Variants in AGBL1 observed in about 807,000 individuals in gnomAD.
AGBL1 encodes the protein cytosolic carboxypeptidase 4.
In AGBL1, 130 loss-of-function variants were observed where a neutral mutation model predicts 118.9. The ratio of observed to expected loss-of-function variants is 1.09; its 90% confidence interval spans 0.95 to 1.26. The LOEUF is 1.26. AGBL1 is among the 50% of genes most tolerant of loss of function. AGBL1 has a pLI of 0.00. For synonymous variants in AGBL1, 555 were observed against 478.9 expected, an observed-to-expected ratio of 1.16 and a Z score of -2.08; for missense variants, 1,584 against 1,298.1, an observed-to-expected ratio of 1.22 and a Z score of -3.38.
chr15:86,154,386 A>C (rs747649160), intron 3 of AGBL1, 44 bp from the exon 4 acceptor site: 1 of 1,596,462 alleles, frequency 6.3e-7, no homozygotes, highest in Middle Eastern at 1.7e-4. Flanking sequence ...ACAATCCAGA[A>C]TCAATGTGAA....
At position 86,262,641 on chromosome 15, in the gene AGBL1, T is replaced by C. The variant is rs75372739; in HGVS notation, c.970-137T>C. On this transcript the variant is annotated intron_variant, in intron 9 of 22. Coordinates refer to ENST00000614907, the MANE Select transcript of AGBL1 (RefSeq NM_001386094.1). Reference sequence around the variant, plus strand: ...CAATCCAGCATAACAAATTCTTCACTGGATGGGCCAGTGCTATAATTTGGA... The same window carrying C: ...CAATCCAGCATAACAAATTCTTCACCGGATGGGCCAGTGCTATAATTTGGA... 7.1e-3 allele frequency: 4,982 copies of C among 705,576 alleles called. 121 individuals are homozygous for C. Among genetic ancestry groups the C allele is most frequent in the African/African-American group, 0.062 (3,566 of 57,218 alleles). 43.7% of individuals were successfully genotyped at this position (705,576 alleles called of 1,614,324 possible).
intron 22 of AGBL1, among the ~76,000 whole-genome samples, chr15:86,904,123 A>G (rs2080248840): frequency 6.6e-6 from 1 of 152,110 alleles, no homozygotes; most frequent in African/African-American, 2.4e-5. Flanking sequence ...CCCCTTCCTC[A>G]TCGTGTGGCT....
At chr15:86,270,176 G>T in intron 14 of AGBL1, 109 bp downstream of exon 14, 1 of 1,426,048 alleles carries the variant, frequency 7.0e-7, no homozygotes, top group Admixed American at 2.4e-5. Flanking sequence ...TTGAAGTTGG[G>T]CAGAGTTTTG....
At chr15:86,499,518 A>G (rs8025281) in intron 18 of AGBL1, among the ~76,000 whole-genome samples, 87,333 of 151,672 alleles carry the variant, frequency 0.58, 25,718 homozygotes, top group East Asian at 0.77. Flanking sequence ...AAGGATTACC[A>G]CAAAGAGGTT....
rs540134643 is a variant in AGBL1 at position 86,134,834 on chromosome 15, C to T, written c.52-7170C>T. Among the ~76,000 whole-genome samples, 369 of 151,550 alleles carry T rather than the reference C, an allele frequency of 2.4e-3. 1 individual carries two copies. The highest frequency in any genetic ancestry group is 0.014 in the Middle Eastern group (4 of 292). ...TTCACCATGTTGGCCAGGATGGTCT[C>T]GATCTCCTGACCTCATGATCTGCCT... On this transcript the variant is annotated intron_variant, in intron 1 of 22. Transcript: ENST00000614907.
chr15:86,112,395 TTAACAC>T (rs1305556216), intron 1 of AGBL1, among the ~76,000 whole-genome samples: 4 of 152,352 alleles, frequency 2.6e-5, no homozygotes, highest in Non-Finnish European at 4.4e-5. Context: ...TTTTGTGTAT[TTAACAC>T]TATAACATGA....
intron 11 of AGBL1, among the ~76,000 whole-genome samples, chr15:86,265,451 T>C (rs904233010): frequency 1.3e-5 from 2 of 152,142 alleles, no homozygotes; most frequent in African/African-American, 4.8e-5. Context: ...CATATTGAGA[T>C]TAAAATGAAA....
intron 22 of AGBL1, among the ~76,000 whole-genome samples, chr15:86,711,883 C>T (rs1314369835): frequency 2.6e-5 from 4 of 152,140 alleles, no homozygotes; most frequent in Admixed American, 6.5e-5. Context: ...ATAGTATCAC[C>T]ATCATCAGAG....
Position 86,624,430 on chromosome 15 carries a change from A to G in AGBL1, c.2995-49843A>G, listed in dbSNP as rs554862890. ...AGTATACAGTGCCATGGTTTGAGTA[A>G]GGGCTCTGTGGAATGGAAGACATAT... On this transcript the variant is annotated intron_variant, in intron 21 of 22. Coordinates refer to ENST00000614907, the MANE Select transcript of AGBL1 (RefSeq NM_001386094.1). Among the ~76,000 whole-genome samples the G allele has an allele frequency of 1.1e-3, 161 of 152,350 alleles. 1 individual carries two copies. Among genetic ancestry groups the G allele is most frequent in the Middle Eastern group, 6.8e-3 (2 of 294 alleles).
chr15:86,097,331 C>G (rs1208941022), intron 1 of AGBL1, among the ~76,000 whole-genome samples: 1 of 152,142 alleles, frequency 6.6e-6, no homozygotes, highest in Non-Finnish European at 1.5e-5. Context: ...TTCAGGTTCT[C>G]TCTTCTAGCT....
At chr15:86,610,868 C>G (rs1445443447) in intron 21 of AGBL1, among the ~76,000 whole-genome samples, 1 of 152,120 alleles carries the variant, frequency 6.6e-6, no homozygotes, top group East Asian at 1.9e-4. Context: ...TTCACACTGT[C>G]CTGTGCTCTG....
intron 21 of AGBL1, among the ~76,000 whole-genome samples, chr15:86,607,041 T>G (rs1213341201): frequency 3.9e-5 from 6 of 151,970 alleles, no homozygotes. Context: ...ATTTCCAGAA[T>G]GTCATATAGT....
At position 86,796,136 on chromosome 15, in the gene AGBL1, T is replaced by C. The variant is rs563484689; in HGVS notation, c.3159-110951T>C. 4.6e-5 allele frequency among the ~76,000 whole-genome samples: 7 copies of C among 152,266 alleles called. No individual in the cohort carries two copies. In the South Asian group the frequency reaches 1.4e-3, roughly 32 times the overall value. On this transcript the variant is annotated intron_variant, in intron 22 of 22. Transcript: ENST00000614907. ...CTTGGGCCCAGATGAATGAATGCTT[T>C]TCTCAAGGTCACATAAAAAATTAAC...
Position 86,264,578 on chromosome 15 carries a change from C to A in AGBL1, c.1407C>A (p.Asp469Glu), listed in dbSNP as rs755745838. ...CTTCCCCGAAAGCAGATGCCTGGGA[C>A]GTAGATGCAATTTTCTGCCCAAGGA... The part of the protein sequence containing the change: ...IQASPKADAW[D>E]VDAIFCPRMS... The change falls in exon 11 of 23, where the codon GAC (aspartate) becomes GAA (glutamate). Residue 469 changes from aspartate (D) to glutamate (E), a missense_variant. Asp to Glu is a conservative substitution (Grantham distance 45, BLOSUM62 2). Coordinates refer to ENST00000614907, the MANE Select transcript of AGBL1 (RefSeq NM_001386094.1). 1.2e-6 allele frequency: 2 copies of A among 1,613,926 alleles called. No individual in the cohort carries two copies. The highest frequency in any genetic ancestry group is 1.7e-6 in the Non-Finnish European group (2 of 1,179,848).
chr15:87,018,782 T>C (rs1318780108), intron 24 of AGBL1, among the ~76,000 whole-genome samples: 1 of 152,016 alleles, frequency 6.6e-6, no homozygotes, highest in Admixed American at 6.6e-5. Context: ...ATACAAAGCT[T>C]AAATGTTAAT....
At chr15:86,340,615 T>C (rs574576259) in intron 17 of AGBL1, among the ~76,000 whole-genome samples, 14 of 152,150 alleles carry the variant, frequency 9.2e-5, no homozygotes, top group Non-Finnish European at 2.1e-4. Flanking sequence ...AGCACGTTGA[T>C]TTTGATTTCT....
chr15:86,224,219 C>G (rs962110730), intron 5 of AGBL1, among the ~76,000 whole-genome samples: 1 of 152,134 alleles, frequency 6.6e-6, no homozygotes, highest in African/African-American at 2.4e-5. Flanking sequence ...TTTTCCTTTG[C>G]CCTGTAGGTA....
At chr15:86,619,964 G>A (rs1399260931) in intron 21 of AGBL1, among the ~76,000 whole-genome samples, 1 of 152,180 alleles carries the variant, frequency 6.6e-6, no homozygotes, top group Non-Finnish European at 1.5e-5. Context: ...CTGCTATCAG[G>A]ACCCAGTCTT....
chr15:86,964,937 C>T (rs527753203), intron 23 of AGBL1, among the ~76,000 whole-genome samples: 120 of 152,240 alleles, frequency 7.9e-4, no homozygotes, highest in Middle Eastern at 3.4e-3. Context: ...CAGCTTCATC[C>T]ATGTCCCTGC....
Sources: allele counts gnomAD v4.1 joint callset (sites outside exome capture counted in the v4.1 genomes callset), GRCh38; gene constraint gnomAD v4.1.1; transcripts MANE v1.5; gene names NCBI Gene and HGNC (gene_info 2026-07-23, HGNC 2026-07-21).